The following TK1 variants were observed in gnomAD, a reference collection of about 807,000 sequenced individuals.
TK1 encodes the protein thymidine kinase, cytosolic.
TK1 carries 13 observed loss-of-function variants against 22.4 expected under a neutral mutation model. The observed-to-expected ratio is 0.58, with a 90% CI of 0.38 to 0.92. The LOEUF is 0.92. Ranked by LOEUF, TK1 falls within the 40% of genes least tolerant of loss-of-function variation. TK1 has a pLI of 0.00. For synonymous variants in TK1, 134 were observed against 125.4 expected (o/e 1.07, Z -0.46); for missense variants, 251 against 315.7 (o/e 0.80, Z 1.55).
chr17:78,178,221 C>G (rs2075714745), intron 4 of TK1, among the ~76,000 whole-genome samples: 1 of 152,150 alleles, frequency 6.6e-6, no homozygotes, highest in African/African-American at 2.4e-5. Context: ...TGCCAAGCGA[C>G]CCTGCAAGCC....
At chr17:78,179,016 C>G (rs2075720486) in intron 4 of TK1, among the ~76,000 whole-genome samples, 1 of 152,066 alleles carries the variant, frequency 6.6e-6, no homozygotes, top group Non-Finnish European at 1.5e-5. Flanking sequence ...ATAGGCTGAA[C>G]AGGGGACAGG....
upstream of TK1, chr17:78,187,149 T>C (rs575635280): frequency 8.3e-6 from 8 of 967,208 alleles, no homozygotes; most frequent in East Asian, 1.6e-4. Context: ...GCCGCTGACC[T>C]GGCGGGAGAT....
chr17:78,183,827 C>T (rs1458926954), intron 3 of TK1: 1 of 152,294 alleles, frequency 6.6e-6, no homozygotes, highest in Non-Finnish European at 1.5e-5. Context: ...ATTCCCTCTT[C>T]CCTCCCTAAA....
chr17:78,177,285 G>A (rs2075707638), intron 4 of TK1, among the ~76,000 whole-genome samples: 1 of 152,170 alleles, frequency 6.6e-6, no homozygotes, highest in Non-Finnish European at 1.5e-5. Context: ...CACCACAAGT[G>A]GAAAATTCCA....
chr17:78,186,675 GAGGGA>G (rs1279467418), intron 2 of TK1, 107 bp downstream of exon 2: 42 of 885,952 alleles, frequency 4.7e-5, no homozygotes, highest in East Asian at 1.1e-4. Flanking sequence ...AAGGGAAGGG[GAGGGA>G]AGGGAAGGGG....
At position 78,175,033 on chromosome 17, in the gene TK1, A is replaced by T. The variant is rs201181050; in HGVS notation, c.513+17T>A. On this transcript the variant is annotated intron_variant, in intron 6 of 6. Transcript: ENST00000301634. ...ACCCCCACCCCGCCGGCCTGCAGGG[A>T]AGGCAGGTGGAGCTACCTCCTTCTC... is the stretch of plus-strand genomic sequence containing the variant. 609 of 1,612,530 alleles carry T rather than the reference A, an allele frequency of 3.8e-4. 16 individuals are homozygous for T. The East Asian group carries it at 0.013, about 36-fold the overall frequency.
chr17:78,179,425 C>G (rs576732690), intron 4 of TK1: 1 of 985,320 alleles, frequency 1.0e-6, no homozygotes. Context: ...CTCTGAAGGT[C>G]AGAAACGGAA....
rs2661681 is a variant in TK1 at position 78,175,173 on chromosome 17, C to T, written c.394-4G>A. On this transcript the variant is annotated splice_polypyrimidine_tract_variant and splice_region_variant and intron_variant, in intron 5 of 6. Transcript: ENST00000301634. ...GGTTCAGGATGGCCCCAAATGGCTG[C>T]GCTCCCATGGAAAGACAGAGGGCGC... is the stretch of plus-strand genomic sequence containing the variant. 4.5e-3 allele frequency: 7,199 copies of T among 1,597,650 alleles called. 256 individuals are homozygous for T. The African/African-American group carries it at 0.08, about 18-fold the overall frequency.
At chr17:78,176,456 T>G (rs2075700522) in intron 4 of TK1, among the ~76,000 whole-genome samples, 1 of 151,970 alleles carries the variant, frequency 6.6e-6, no homozygotes, top group Non-Finnish European at 1.5e-5. Context: ...GGTTTGAGGT[T>G]ATTGAGACGT....
intron 4 of TK1, among the ~76,000 whole-genome samples, chr17:78,180,908 C>T (rs761860835): frequency 1.3e-5 from 2 of 152,170 alleles, no homozygotes; most frequent in Non-Finnish European, 2.9e-5. Flanking sequence ...GAGATGGCGG[C>T]CTTCCTCTGA....
Position 78,174,729 on chromosome 17 carries a change from G to T in TK1, c.*30C>A. ...CAGCGTCCAGTAGGCGGCAGTGGCAGGAAGGGAGCGGGCGGCCCTCGCAGG... is the reference window on the plus strand; with the variant it reads ...CAGCGTCCAGTAGGCGGCAGTGGCATGAAGGGAGCGGGCGGCCCTCGCAGG... On this transcript the variant is annotated 3_prime_UTR_variant, in exon 7 of 7. Coordinates refer to ENST00000301634, the MANE Select transcript of TK1 (RefSeq NM_003258.5). 6.5e-7 allele frequency: 1 copy of T among 1,550,014 alleles called. No individual in the cohort carries two copies. The highest frequency in any genetic ancestry group is 8.7e-7 in the Non-Finnish European group (1 of 1,149,006).
chr17:78,174,816 C>G lies in TK1; in HGVS notation c.648G>C (p.Val216=), dbSNP rs1231537505. The change falls in exon 7 of 7, where the codon GTG becomes GTC. Residue 216 remains valine, a synonymous_variant. Coordinates refer to ENST00000301634, the MANE Select transcript of TK1 (RefSeq NM_003258.5). ...CPVPGKPGEA[V]AARKLFAPQQ... ...GTGGGGCAAAGAGCTTCCTGGCAGC[C>G]ACGGCTTCCCCTGGCTTTCCTGGCA... The G allele has an allele frequency of 2.5e-6, 4 of 1,613,196 alleles. No individual in the cohort carries two copies. Among genetic ancestry groups the G allele is most frequent in the Non-Finnish European group, 3.4e-6 (4 of 1,179,578 alleles).
At position 78,185,157 on chromosome 17, in the gene TK1, A is replaced by T; in HGVS notation, c.107T>A (p.Leu36Ter). 1 of 1,612,316 alleles carries T rather than the reference A, an allele frequency of 6.2e-7. No individual in the cohort carries two copies. Among genetic ancestry groups the T allele is most frequent in the Non-Finnish European group, 8.5e-7 (1 of 1,179,416 alleles). ...CTGGAAGCGACGGACGCGTCTCATC[A>T]ACTCTGTGCTGCAAGAGGAGAGAGG... Reference protein sequence around the residue: ...GPMFSGKSTELMRRVRRFQIA... With the variant: ...GPMFSGKSTE Residue 36 changes from leucine to a stop codon, truncating the protein, a stop_gained, in exon 3 of 7, where the codon TTG becomes TAG. Transcript: ENST00000301634. LOFTEE classifies it high-confidence loss of function.
At chr17:78,184,578 A>T (rs1164285098) in intron 3 of TK1, among the ~76,000 whole-genome samples, 2 of 152,144 alleles carry the variant, frequency 1.3e-5, no homozygotes, top group African/African-American at 4.8e-5. Context: ...ACAACGGACA[A>T]CTAAAAAATT....
chr17:78,186,638 A>G, intron 2 of TK1, 149 bp downstream of exon 2: 1 of 770,296 alleles, frequency 1.3e-6, no homozygotes, highest in Non-Finnish European at 2.0e-6. Flanking sequence ...CGGGAGCTGT[A>G]GGAGGCTGTG....
At chr17:78,182,888 T>TTGC (rs2075747883) in intron 3 of TK1, among the ~76,000 whole-genome samples, 1 of 152,196 alleles carries the variant, frequency 6.6e-6, no homozygotes, top group Non-Finnish European at 1.5e-5. Flanking sequence ...AAACAGAGTC[T>TTGC]TGCTCTGTCA....
intron 1 of TK1, 35 bp from the exon 2 acceptor site, chr17:78,186,853 C>T (rs1275413268): frequency 6.4e-7 from 1 of 1,573,428 alleles, no homozygotes; most frequent in African/African-American, 1.4e-5. Context: ...GAGGGCCCGC[C>T]CTGCGCGGAT....
Position 78,179,036 on chromosome 17 carries a change from G to A in TK1, c.304-3418C>T, listed in dbSNP as rs563257136. 1.3e-4 allele frequency: 55 copies of A among 434,348 alleles called. No individual in the cohort carries two copies. In the East Asian group the frequency reaches 1.4e-3, roughly 11 times the overall value. 26.9% of individuals were successfully genotyped at this position (434,348 alleles called of 1,614,324 possible). ...CTGAACAGGGGACAGGACTTCATAC[G>A]CTGGCTCCTGACTCAGGGCATTTGG... On this transcript the variant is annotated intron_variant, in intron 4 of 6. Coordinates refer to ENST00000301634, the MANE Select transcript of TK1 (RefSeq NM_003258.5).
intron 5 of TK1, 56 bp from the exon 6 acceptor site, chr17:78,175,225 C>CT: frequency 6.4e-7 from 1 of 1,558,740 alleles, no homozygotes; most frequent in South Asian, 1.2e-5. Context: ...GTGGGTTTTT[C>CT]TTTTAAACCC....
Sources: gnomAD v4.1 joint callset for allele counts (sites outside exome capture counted in the v4.1 genomes callset) on GRCh38, gnomAD v4.1.1 for gene constraint, MANE v1.5 for transcripts, NCBI Gene and HGNC (gene_info 2026-07-23, HGNC 2026-07-21) for gene names.